GABRG3: variants seen among roughly 807,000 people sequenced by gnomAD.
The protein encoded by GABRG3 is gamma-aminobutyric acid receptor subunit gamma-3.
GABRG3 carries 25 observed loss-of-function variants against 48.8 expected under a neutral mutation model. The observed-to-expected ratio is 0.51, with a 90% CI of 0.37 to 0.72. The LOEUF is 0.72. Ranked by LOEUF, GABRG3 falls within the 30% of genes least tolerant of loss-of-function variation. GABRG3 has a pLI of 0.00. For missense variants in GABRG3, 394 were observed against 577.9 expected, an observed-to-expected ratio of 0.68 and a Z score of 3.26; for synonymous variants, 227 against 217.6, an observed-to-expected ratio of 1.04 and a Z score of -0.38.
chr15:27,465,893 TC>T (rs1259834011), intron 5 of GABRG3, among the ~76,000 whole-genome samples: 37 of 146,342 alleles, frequency 2.5e-4, no homozygotes, highest in African/African-American at 9.3e-4. Context: ...CTGCTGTATT[TC>T]ATTTTAAAAT....
At chr15:27,423,097 G>A (rs894534174) in intron 5 of GABRG3, among the ~76,000 whole-genome samples, 2 of 151,794 alleles carry the variant, frequency 1.3e-5, no homozygotes, top group African/African-American at 4.8e-5. Context: ...TATATGACCA[G>A]CCAGGGTAAC....
At chr15:27,306,995 T>TATAAACATATATA (rs1892558072) in intron 3 of GABRG3, among the ~76,000 whole-genome samples, 1 of 111,058 alleles carries the variant, frequency 9.0e-6, no homozygotes, top group Non-Finnish European at 1.7e-5. Context: ...AACATGTTTA[T>TATAAACATATATA]ATATAAACAT....
intron 6 of GABRG3, among the ~76,000 whole-genome samples, chr15:27,484,300 C>T (rs1356755442): frequency 1.3e-5 from 2 of 152,096 alleles, no homozygotes; most frequent in Admixed American, 6.5e-5. Context: ...AATAAGTAAA[C>T]CTCCTACATT....
Position 27,072,081 on chromosome 15 carries a change from A to C in GABRG3, c.270+45260A>C, listed in dbSNP as rs184706128. Among the ~76,000 whole-genome samples the C allele has an allele frequency of 4.6e-5, 7 of 152,306 alleles. No individual in the cohort carries two copies. The East Asian group carries it at 1.4e-3, about 29-fold the overall frequency. On this transcript the variant is annotated intron_variant, in intron 3 of 9. Transcript: ENST00000615808. Reference sequence around the variant, plus strand: ...ATTTTCTCATCCCGCCCTTAAAAGTAAGAGCCTTTCGAAGTACCCCACCTC... The same window carrying C: ...ATTTTCTCATCCCGCCCTTAAAAGTCAGAGCCTTTCGAAGTACCCCACCTC...
At chr15:27,361,226 T>A (rs945658006) in intron 5 of GABRG3, among the ~76,000 whole-genome samples, 2 of 152,164 alleles carry the variant, frequency 1.3e-5, no homozygotes, top group Non-Finnish European at 2.9e-5. Context: ...AGCTGGAGGA[T>A]TTAGCAGAGC....
At chr15:27,147,648 A>T (rs1264129645) in intron 3 of GABRG3, among the ~76,000 whole-genome samples, 2 of 152,076 alleles carry the variant, frequency 1.3e-5, no homozygotes, top group Non-Finnish European at 2.9e-5. Flanking sequence ...ATGGAATGAA[A>T]TGGGAAATCA....
intron 3 of GABRG3, chr15:27,208,077 A>G: frequency 5.8e-6 from 1 of 171,338 alleles, no homozygotes; most frequent in South Asian, 1.6e-4. Context: ...CAAAGGTGGT[A>G]GGGGCACCCC....
intron 3 of GABRG3, among the ~76,000 whole-genome samples, chr15:27,066,845 A>G (rs971380749): frequency 3.9e-5 from 6 of 152,304 alleles, no homozygotes; most frequent in African/African-American, 1.2e-4. Flanking sequence ...AGAAATTTGT[A>G]TTTCTTTAGA....
At chr15:27,198,030 T>C (rs1351398106) in intron 3 of GABRG3, among the ~76,000 whole-genome samples, 2 of 152,190 alleles carry the variant, frequency 1.3e-5, no homozygotes, top group Non-Finnish European at 2.9e-5. Flanking sequence ...GTCTATCTAT[T>C]TTGTCAATCT....
At chr15:27,264,451 A>G (rs2140468993) in intron 3 of GABRG3, among the ~76,000 whole-genome samples, 1 of 152,194 alleles carries the variant, frequency 6.6e-6, no homozygotes, top group African/African-American at 2.4e-5. Context: ...ATGTCCCTAC[A>G]TTTAAAACCA....
intron 6 of GABRG3, among the ~76,000 whole-genome samples, chr15:27,519,493 G>A (rs544299555): frequency 6.6e-6 from 1 of 152,056 alleles, no homozygotes; most frequent in Admixed American, 6.5e-5. Flanking sequence ...AAGTTGATAA[G>A]CAAAACTTAA....
intron 7 of GABRG3, 93 bp from the exon 8 acceptor site, chr15:27,527,340 C>A: frequency 2.7e-6 from 3 of 1,131,618 alleles, no homozygotes; most frequent in South Asian, 1.5e-5. Flanking sequence ...TCCTGTAAGG[C>A]AGCCGTGCTG....
At chr15:27,465,252 A>T (rs1889570962) in intron 5 of GABRG3, among the ~76,000 whole-genome samples, 1 of 152,240 alleles carries the variant, frequency 6.6e-6, no homozygotes, top group South Asian at 2.1e-4. Flanking sequence ...TTGGAGAATT[A>T]CTAAAGAGAG....
At chr15:27,066,558 A>G (rs957259674) in intron 3 of GABRG3, among the ~76,000 whole-genome samples, 5 of 152,212 alleles carry the variant, frequency 3.3e-5, no homozygotes, top group African/African-American at 4.8e-5. Flanking sequence ...ATTTAAAAGT[A>G]GACCTCAGGC....
chr15:26,993,215 T>C (rs1187731922), intron 2 of GABRG3, among the ~76,000 whole-genome samples: 1 of 152,116 alleles, frequency 6.6e-6, no homozygotes, highest in Non-Finnish European at 1.5e-5. Flanking sequence ...TTATATCTGC[T>C]CTGATCTTTA....
At chr15:27,084,265 G>A (rs904781232) in intron 3 of GABRG3, among the ~76,000 whole-genome samples, 1 of 152,208 alleles carries the variant, frequency 6.6e-6, no homozygotes, top group Non-Finnish European at 1.5e-5. Context: ...GCGGTTCTGT[G>A]TCTCTCTTAG....
At chr15:27,300,214 G>A (rs1173240774) in intron 3 of GABRG3, among the ~76,000 whole-genome samples, 1 of 152,130 alleles carries the variant, frequency 6.6e-6, no homozygotes, top group African/African-American at 2.4e-5. Flanking sequence ...GTCTTATGAT[G>A]TTAACATTTA....
chr15:27,151,579 T>C (rs1309100646), intron 3 of GABRG3, among the ~76,000 whole-genome samples: 1 of 152,102 alleles, frequency 6.6e-6, no homozygotes, highest in East Asian at 1.9e-4. Flanking sequence ...AATCTTGAGA[T>C]GGAAACATTA....
At chr15:27,405,664 G>A (rs1194560095) in intron 5 of GABRG3, among the ~76,000 whole-genome samples, 1 of 151,272 alleles carries the variant, frequency 6.6e-6, no homozygotes, top group African/African-American at 2.5e-5. Context: ...ACGTTCATCT[G>A]TAGGTGAATT....
Sources: gnomAD v4.1 joint callset for allele counts (sites outside exome capture counted in the v4.1 genomes callset) on GRCh38, gnomAD v4.1.1 for gene constraint, MANE v1.5 for transcripts, NCBI Gene and HGNC (gene_info 2026-07-23, HGNC 2026-07-21) for gene names.